The following NCF2 variants were observed in gnomAD, a reference collection of about 807,000 sequenced individuals.
The protein encoded by NCF2 is neutrophil cytosolic factor 2.
In NCF2, 45 loss-of-function variants were observed where a neutral mutation model predicts 70.9. That is an observed-to-expected ratio of 0.63 (90% confidence interval 0.50 to 0.81). The LOEUF (loss-of-function observed/expected upper bound fraction) is 0.81, where lower values mean the gene tolerates loss of function less well. Among genes scored for constraint, NCF2 ranks in the 40% least tolerant of loss-of-function variants. The probability of loss-of-function intolerance (pLI) is 0.00; values close to 1 mark genes in which losing one functional copy is unlikely to be tolerated. For missense variants in NCF2, 522 were observed against 631.6 expected (o/e 0.83, Z 1.86); for synonymous variants, 203 against 233.6 (o/e 0.87, Z 1.19).
At chr1:183,600,187 C>T in the NCF2 span, among the ~76,000 whole-genome samples, 2 of 152,184 alleles carry the variant, frequency 1.3e-5, no homozygotes, top group African/African-American at 4.8e-5. Flanking sequence ...AGTTTAAAAA[C>T]CCAACTGCCC....
the NCF2 span, chr1:183,598,276 A>G: frequency 6.6e-6 from 1 of 152,354 alleles, no homozygotes; most frequent in African/African-American, 2.4e-5. Flanking sequence ...GTTGTATGCC[A>G]AAAAATAGAC....
Position 183,556,050 on chromosome 1 carries a change from AGG to A in NCF2, c.*66_*67del. ...ATGTCTCAGTACAGTATACAGCAGA[AGG>A]GTGCTAAATCTTACAAACAAGTAAT... On this transcript the variant is annotated 3_prime_UTR_variant, in exon 15 of 15. Coordinates refer to ENST00000367535, the MANE Select transcript of NCF2 (RefSeq NM_000433.4). The A allele has an allele frequency of 1.6e-6, 2 of 1,254,558 alleles. No homozygotes were observed. Among genetic ancestry groups the A allele is most frequent in the Non-Finnish European group, 2.3e-6 (2 of 852,986 alleles). The allele number at this position is 1,254,558 out of a possible 1,614,324, so 77.7% of individuals were successfully genotyped here. A position where few individuals can be genotyped will look rare whatever the true frequency, so the allele number is the denominator to read the frequency against.
At chr1:183,589,412 C>T (rs1391122055) in intron 1 of NCF2, among the ~76,000 whole-genome samples, 1 of 152,166 alleles carries the variant, frequency 6.6e-6, no homozygotes, top group Non-Finnish European at 1.5e-5. Flanking sequence ...ACTAAAAGTC[C>T]AGAGAGAGAC....
chr1:183,580,111 T>A (rs1672991452), intron 2 of NCF2, among the ~76,000 whole-genome samples: 2 of 152,150 alleles, frequency 1.3e-5, no homozygotes, highest in Non-Finnish European at 1.5e-5. Flanking sequence ...GGAGAAGCCA[T>A]CACCATTAGG....
Position 183,564,340 on chromosome 1 carries a change from G to C in NCF2, c.1001-310C>G, listed in dbSNP as rs548189123. 2.0e-5 allele frequency among the ~76,000 whole-genome samples: 3 copies of C among 152,314 alleles called. No homozygotes were observed. In the East Asian group the frequency reaches 5.8e-4, roughly 29 times the overall value. On this transcript the variant is annotated intron_variant, in intron 10 of 14. Coordinates refer to ENST00000367535, the MANE Select transcript of NCF2 (RefSeq NM_000433.4). ...TCCCAAAGGTCAATTAAGCCCACGG[G>C]ATCCAAAGCAATGAAAATCGGAGTG... is the stretch of plus-strand genomic sequence containing the variant.
the NCF2 span, among the ~76,000 whole-genome samples, chr1:183,600,128 A>G: frequency 2.0e-5 from 3 of 152,246 alleles, no homozygotes; most frequent in Non-Finnish European, 4.4e-5. Context: ...TAGATTCACA[A>G]AAGCTCCAAA....
rs2102887509 is a variant in NCF2 at position 183,565,755 on chromosome 1, T to G, written c.949A>C (p.Ile317Leu). 4 of 1,613,296 alleles carry G rather than the reference T, an allele frequency of 2.5e-6. No individual in the cohort carries two copies. Among genetic ancestry groups the G allele is most frequent in the Non-Finnish European group, 3.4e-6 (4 of 1,180,008 alleles). ...PQEESSPQSD[I>L]PAPPSSKAPG... Reference sequence around the variant, plus strand: ...GCTTTGGAACTAGGAGGAGCTGGGATGTCGGACTGCGGAGAGCTTTCCTCC... The same window carrying G: ...GCTTTGGAACTAGGAGGAGCTGGGAGGTCGGACTGCGGAGAGCTTTCCTCC... Residue 317 changes from isoleucine to leucine, a missense_variant, in exon 10 of 15, where the codon ATC becomes CTC. Physicochemically the swap from Ile to Leu is conservative, Grantham distance 5. Coordinates refer to ENST00000367535, the MANE Select transcript of NCF2 (RefSeq NM_000433.4).
intron 13 of NCF2, among the ~76,000 whole-genome samples, chr1:183,560,746 G>C (rs1672007920): frequency 6.6e-6 from 1 of 152,238 alleles, no homozygotes; most frequent in African/African-American, 2.4e-5. Context: ...CCCGTGGCCT[G>C]GAGGTTGGGG....
At chr1:183,563,947 G>T (rs1672192243) in intron 11 of NCF2, 58 bp downstream of exon 11, 1 of 1,538,536 alleles carries the variant, frequency 6.5e-7, no homozygotes, top group Admixed American at 1.7e-5. Context: ...GTCTGTGGTT[G>T]ATAGCCCAAG....
intron 14 of NCF2, among the ~76,000 whole-genome samples, chr1:183,558,925 A>T (rs1207634236): frequency 6.6e-6 from 1 of 152,124 alleles, no homozygotes; most frequent in East Asian, 1.9e-4. Flanking sequence ...GTTATAATTG[A>T]TGGTAGTTTT....
intron 7 of NCF2, among the ~76,000 whole-genome samples, chr1:183,568,293 G>T (rs1672400048): frequency 6.6e-6 from 1 of 151,960 alleles, no homozygotes; most frequent in African/African-American, 2.4e-5. Flanking sequence ...CTCCCAAGTA[G>T]CTGGTATTAC....
In NCF2 at chr1:183,587,509, G is replaced by C. The variant is rs570028783; in HGVS notation, c.175-532C>G. 3.6e-3 allele frequency among the ~76,000 whole-genome samples: 515 copies of C among 143,352 alleles called. 8 individuals carry two copies. The highest frequency in any genetic ancestry group is 0.034 in the Admixed American group (458 of 13,368). The allele number at this position is 143,352 out of a possible 152,430, so 94.0% of individuals were successfully genotyped here. A position where few individuals can be genotyped will look rare whatever the true frequency, so the allele number is the denominator to read the frequency against. ...CTTGGGGGACTGAGGTAGGTCAATC[G>C]CTCAAGCCCAGGAGGTGGAGACTGC... On this transcript the variant is annotated intron_variant, in intron 1 of 14. Coordinates refer to ENST00000367535, the MANE Select transcript of NCF2 (RefSeq NM_000433.4).
At chr1:183,584,887 TA>T (rs1673272330) in intron 2 of NCF2, among the ~76,000 whole-genome samples, 1 of 151,968 alleles carries the variant, frequency 6.6e-6, no homozygotes, top group African/African-American at 2.4e-5. Flanking sequence ...AACATTAAAA[TA>T]AAAAATTAAA....
At chr1:183,568,187 G>T in intron 7 of NCF2, among the ~76,000 whole-genome samples, 1 of 151,566 alleles carries the variant, frequency 6.6e-6, no homozygotes, top group African/African-American at 2.4e-5. Flanking sequence ...TTTTGAGACG[G>T]AATCTTGGTC....
chr1:183,570,759 A>G, intron 6 of NCF2, 21 bp downstream of exon 6: 2 of 1,612,562 alleles, frequency 1.2e-6, no homozygotes. Context: ...AGGTCCATGG[A>G]GAAGGTCAGG....
At chr1:183,565,452 T>C (rs1045687186) in intron 10 of NCF2, among the ~76,000 whole-genome samples, 3 of 151,968 alleles carry the variant, frequency 2.0e-5, no homozygotes, top group Non-Finnish European at 2.9e-5. Flanking sequence ...ACTACGTGAG[T>C]CACTCAGGAA....
the NCF2 span, among the ~76,000 whole-genome samples, chr1:183,599,914 A>AT: frequency 6.6e-6 from 1 of 152,110 alleles, no homozygotes; most frequent in Non-Finnish European, 1.5e-5. Flanking sequence ...CCATCTACCA[A>AT]TATCAGTAAG....
At chr1:183,584,776 G>C (rs1165855404) in intron 2 of NCF2, among the ~76,000 whole-genome samples, 1 of 152,134 alleles carries the variant, frequency 6.6e-6, no homozygotes, top group East Asian at 1.9e-4. Context: ...GTTAAGAGCG[G>C]GGACAGGCAG....
chr1:183,597,623 C>T, the NCF2 span: 3 of 152,216 alleles, frequency 2.0e-5, no homozygotes, highest in Non-Finnish European at 2.9e-5. Context: ...TCTCCTTTCC[C>T]ACTTTTGGAG....
Sources: gnomAD v4.1 joint callset for allele counts (sites outside exome capture counted in the v4.1 genomes callset) on GRCh38, gnomAD v4.1.1 for gene constraint, MANE v1.5 for transcripts, NCBI Gene and HGNC (gene_info 2026-07-23, HGNC 2026-07-21) for gene names.